The following UTY variants were observed in gnomAD, a reference collection of about 807,000 sequenced individuals.
The protein encoded by UTY is histone demethylase UTY.
Under a neutral mutation model 32.5 loss-of-function variants are expected in UTY, and 12 were observed. That is an observed-to-expected ratio of 0.37 (90% confidence interval 0.24 to 0.60). The LOEUF is 0.60. UTY is among the 20% of genes least tolerant of loss of function. UTY has a pLI of 0.69. For missense variants in UTY, 303 were observed against 299.2 expected, an observed-to-expected ratio of 1.01 and a Z score of -0.09; for synonymous variants, 131 against 103.4, an observed-to-expected ratio of 1.27 and a Z score of -1.62.
intron 17 of UTY, among the ~76,000 whole-genome samples, chrY:13,347,612 C>T: frequency 3.1e-5 from 1 of 31,760 alleles, no homozygotes; most frequent in African/African-American, 1.3e-4. Context: ...GTCCCAGCTA[C>T]TTGGGAGGCT....
At chrY:13,321,674 T>C in intron 21 of UTY, among the ~76,000 whole-genome samples, 1 of 33,520 alleles carries the variant, frequency 3.0e-5, no homozygotes, top group Non-Finnish European at 7.4e-5. Context: ...ACTGAACCAA[T>C]GTTCATCTTA....
intron 4 of UTY, among the ~76,000 whole-genome samples, chrY:13,419,993 A>G: frequency 3.0e-5 from 1 of 33,766 alleles, no homozygotes; most frequent in Non-Finnish European, 7.3e-5. Flanking sequence ...TCACACCTTC[A>G]TAATATCAGA....
At chrY:13,462,850 CAT>C (rs751323626) in intron 3 of UTY, among the ~76,000 whole-genome samples, 110 of 28,324 alleles carry the variant, frequency 3.9e-3, no homozygotes, top group South Asian at 0.028. Flanking sequence ...AGGATATATA[CAT>C]ATATATATAT....
chrY:13,300,078 A>G, intron 25 of UTY: 1 of 180,267 alleles, frequency 5.5e-6, no homozygotes, highest in South Asian at 2.0e-4. Context: ...CCTAGGCAGG[A>G]AAGGGGAGTA....
chrY:13,286,075 C>T, intron 27 of UTY, among the ~76,000 whole-genome samples: 1 of 33,881 alleles, frequency 3.0e-5, no homozygotes, highest in South Asian at 6.5e-4. Context: ...TGGATGAGAG[C>T]AGCTTCGCCA....
At chrY:13,395,808 C>T (rs2068098730) in intron 7 of UTY, among the ~76,000 whole-genome samples, 1 of 30,936 alleles carries the variant, frequency 3.2e-5, no homozygotes, top group Non-Finnish European at 7.8e-5. Context: ...ACTTAAAATG[C>T]AAATTTAGGC....
chrY:13,402,672 C>T (rs550299908), intron 6 of UTY, among the ~76,000 whole-genome samples: 79 of 33,507 alleles, frequency 2.4e-3, no homozygotes, highest in African/African-American at 8.5e-3. Flanking sequence ...GCAAACATCA[C>T]CTCATCCTCT....
chrY:13,328,759 C>T, intron 18 of UTY, among the ~76,000 whole-genome samples: 1 of 33,016 alleles, frequency 3.0e-5, no homozygotes, highest in African/African-American at 1.2e-4. Context: ...TTTAAAGATA[C>T]ACTATTTACA....
chrY:13,440,196 A>C (rs532742633), intron 4 of UTY, among the ~76,000 whole-genome samples: 65 of 33,720 alleles, frequency 1.9e-3, no homozygotes, highest in South Asian at 4.7e-3. Context: ...ACTACTCTAC[A>C]CATGACCAAA....
At chrY:13,446,619 T>TAGATAGATAGACAGAC (rs1556515298) in intron 4 of UTY, among the ~76,000 whole-genome samples, 1 of 14,268 alleles carries the variant, frequency 7.0e-5, no homozygotes. Context: ...GATAGATAGA[T>TAGATAGATAGACAGAC]AGACAGACAG....
intron 27 of UTY, among the ~76,000 whole-genome samples, chrY:13,261,319 T>C: frequency 3.0e-5 from 1 of 33,330 alleles, no homozygotes; most frequent in Non-Finnish European, 7.4e-5. Context: ...TATCAGTATA[T>C]GGATTACATA....
chrY:13,421,781 G>A (rs2072579047), intron 4 of UTY, among the ~76,000 whole-genome samples: 1 of 33,027 alleles, frequency 3.0e-5, no homozygotes, highest in Non-Finnish European at 7.5e-5. Flanking sequence ...AGGGTAGGAG[G>A]AGGGAGAGGA....
At chrY:13,366,879 C>T in intron 9 of UTY, among the ~76,000 whole-genome samples, 3 of 34,615 alleles carry the variant, frequency 8.7e-5, no homozygotes, top group Admixed American at 7.7e-4. Context: ...CTCGCTCTAT[C>T]GCCCAGGATG....
intron 10 of UTY, among the ~76,000 whole-genome samples, chrY:13,362,534 A>C (rs2063661696): frequency 2.9e-5 from 1 of 33,999 alleles, no homozygotes; most frequent in Non-Finnish European, 7.4e-5. Context: ...CACAGCCCTA[A>C]ATAATGACAA....
intron 4 of UTY, among the ~76,000 whole-genome samples, chrY:13,432,468 C>T: frequency 3.0e-5 from 1 of 33,279 alleles, no homozygotes; most frequent in Non-Finnish European, 7.4e-5. Context: ...CACCTACAGG[C>T]CTGAAGTCCA....
intron 17 of UTY, among the ~76,000 whole-genome samples, chrY:13,347,591 AGGC>A (rs2062020485): frequency 3.2e-5 from 1 of 31,485 alleles, no homozygotes; most frequent in Admixed American, 2.9e-4. Flanking sequence ...GCATGGTGGC[AGGC>A]GCCTGTAGTC....
At chrY:13,326,013 C>T (rs2060218248) in intron 19 of UTY, among the ~76,000 whole-genome samples, 1 of 33,853 alleles carries the variant, frequency 3.0e-5, no homozygotes, top group African/African-American at 1.1e-4. Context: ...TTTTCAAAAG[C>T]AGGTTGGTGG....
chrY:13,260,296 A>G lies in UTY; in HGVS notation c.4119T>C (p.His1373=). The G allele has an allele frequency of 2.5e-6, 1 of 395,625 alleles. No homozygotes were observed. Among genetic ancestry groups the G allele is most frequent in the African/African-American group, 6.4e-5 (1 of 15,710 alleles). The change falls in exon 28 of 30, where the codon CAT becomes CAC. Residue 1373 remains histidine, a synonymous_variant. Transcript: ENST00000545955. ...WHGRTNDEPA[H]YCSICEVEVF... Reference sequence around the variant, plus strand: ...TACTCACCTCACAAATGCTACAGTAATGAGCTGGTTCATCATTTGTCCGCC... The same window carrying G: ...TACTCACCTCACAAATGCTACAGTAGTGAGCTGGTTCATCATTTGTCCGCC...
At chrY:13,341,808 G>A (rs2061504907) in intron 17 of UTY, among the ~76,000 whole-genome samples, 1 of 33,064 alleles carries the variant, frequency 3.0e-5, no homozygotes, top group Non-Finnish European at 7.4e-5. Flanking sequence ...GGGGCTGCAG[G>A]AGTAACAGAA....
Sources: allele counts gnomAD v4.1 joint callset (sites outside exome capture counted in the v4.1 genomes callset), GRCh38; gene constraint gnomAD v4.1.1; transcripts MANE v1.5; gene names NCBI Gene and HGNC (gene_info 2026-07-23, HGNC 2026-07-21).